The following GNAO1 variants were observed in gnomAD, a reference collection of about 807,000 sequenced individuals.
The protein encoded by GNAO1 is G protein subunit alpha o1.
For synonymous variants in GNAO1, 164 were observed against 180.7 expected (o/e 0.91, Z 0.74); for missense variants, 166 against 478.7 (o/e 0.35, Z 6.10).
chr16:56,354,981 C>T lies in GNAO1; in HGVS notation c.993C>T (p.Asn331=), dbSNP rs116862304. Residue 331 remains asparagine, a synonymous_variant, in exon 8 of 9, where the codon AAC becomes AAT. Coordinates refer to ENST00000262493, the MANE Select transcript of GNAO1 (RefSeq NM_020988.3). The surrounding 1 kb of genome is among the most constrained non-coding windows in gnomAD (Gnocchi z 4.3). ...TGACTTGTGCCACAGACACGAATAA[C>T]ATCCAGGTGGTGTTCGACGCCGTCA... ...CHMTCATDTN[N]IQVVFDAVTD... 0.017 allele frequency: 26,866 copies of T among 1,613,244 alleles called. 270 individuals are homozygous for T. The highest frequency in any genetic ancestry group is 0.021 in the Non-Finnish European group (24,319 of 1,179,216).
chr16:56,216,370 G>A (rs1303223215), intron 2 of GNAO1, among the ~76,000 whole-genome samples: 1 of 152,154 alleles, frequency 6.6e-6, no homozygotes, highest in Non-Finnish European at 1.5e-5. Flanking sequence ...GCCGGGGGAG[G>A]TATTTGAACC....
chr16:56,283,756 C>G (rs1385300891), intron 3 of GNAO1, among the ~76,000 whole-genome samples: 1 of 152,116 alleles, frequency 6.6e-6, no homozygotes, highest in Non-Finnish European at 1.5e-5. Flanking sequence ...AACACGAGGC[C>G]AGGAAGAGGA....
chr16:56,327,987 T>C (rs1366065059), intron 3 of GNAO1, among the ~76,000 whole-genome samples: 2 of 152,162 alleles, frequency 1.3e-5, no homozygotes, highest in African/African-American at 4.8e-5. Flanking sequence ...CCAAAGTTCT[T>C]GAGATTTAGT....
chr16:56,282,043 A>G (rs1254575368), intron 3 of GNAO1, among the ~76,000 whole-genome samples: 4 of 152,140 alleles, frequency 2.6e-5, no homozygotes, highest in African/African-American at 2.4e-5. Context: ...TCCAGTTTTC[A>G]TTTTTTCACT....
In GNAO1 at chr16:56,346,254, A is replaced by G. The variant is rs1244670467; in HGVS notation, c.724-5130A>G. The G allele has an allele frequency of 9.1e-6, 9 of 985,264 alleles. No individual in the cohort carries two copies. The African/African-American group carries it at 1.6e-4, about 17-fold the overall frequency. The allele number at this position is 985,264 out of a possible 1,614,324, so 61.0% of individuals were successfully genotyped here. ...AGCGGCTCCATCTTGTGGGGTGGTG[A>G]CTGAGGGTGACAAATGAGATTTGGC... On this transcript the variant is annotated intron_variant, in intron 6 of 8. Transcript: ENST00000262493.
chr16:56,203,613 G>A (rs2036299786), intron 2 of GNAO1, among the ~76,000 whole-genome samples: 1 of 152,218 alleles, frequency 6.6e-6, no homozygotes, highest in African/African-American at 2.4e-5. Flanking sequence ...AAAGACATCT[G>A]ATGGTGATAC....
chr16:56,348,054 C>A, intron 6 of GNAO1: 1 of 972,902 alleles, frequency 1.0e-6, no homozygotes, highest in Non-Finnish European at 1.2e-6. Flanking sequence ...CCAACCCCAT[C>A]ACTGCTGCCC....
At chr16:56,299,329 C>T (rs1221566990) in intron 3 of GNAO1, among the ~76,000 whole-genome samples, 5 of 152,242 alleles carry the variant, frequency 3.3e-5, no homozygotes, top group African/African-American at 7.2e-5. Flanking sequence ...TGAACAGAGG[C>T]GGATCCCACT....
chr16:56,192,178 C>T lies in GNAO1; in HGVS notation c.-58C>T. ...GCTCTCTGGGGGGGTGGGGGGCGCT[C>T]CAAGCCGGGGAGCCGTGCCAGCCGA... On this transcript the variant is annotated 5_prime_UTR_variant, in exon 1 of 9. Coordinates refer to ENST00000262493, the MANE Select transcript of GNAO1 (RefSeq NM_020988.3). 9.9e-7 allele frequency: 1 copy of T among 1,012,694 alleles called. No individual in the cohort carries two copies. The highest frequency in any genetic ancestry group is 1.4e-5 in the South Asian group (1 of 73,268). 62.7% of individuals were successfully genotyped at this position (1,012,694 alleles called of 1,614,324 possible).
intron 2 of GNAO1, among the ~76,000 whole-genome samples, chr16:56,269,920 G>T (rs2036999270): frequency 6.6e-6 from 1 of 152,154 alleles, no homozygotes; most frequent in African/African-American, 2.4e-5. Context: ...CAAGCCTGTG[G>T]TTCTGTGACC....
rs145854384 is a variant in GNAO1 at position 56,253,075 on chromosome 16, G to A, written c.162-22856G>A. 2.4e-3 allele frequency among the ~76,000 whole-genome samples: 369 copies of A among 152,282 alleles called. 2 individuals are homozygous for A. Among genetic ancestry groups the A allele is most frequent in the African/African-American group, 8.0e-3 (332 of 41,558 alleles). On this transcript the variant is annotated intron_variant, in intron 2 of 8. Transcript: ENST00000262493. ...GAGTGTCTGACTAGATAGCAGCAGCGGCAGCAGCAGCCATCTCTGGAGCCA... is the reference window on the plus strand; with the variant it reads ...GAGTGTCTGACTAGATAGCAGCAGCAGCAGCAGCAGCCATCTCTGGAGCCA...
chr16:56,307,210 A>G (rs1277833831), intron 3 of GNAO1: 8 of 152,204 alleles, frequency 5.3e-5, no homozygotes, highest in Non-Finnish European at 1.2e-4. Flanking sequence ...TTCTCCTGCC[A>G]GCCTCTAAGA....
At chr16:56,332,184 G>A (rs1190239637) in intron 4 of GNAO1, among the ~76,000 whole-genome samples, 5 of 152,044 alleles carry the variant, frequency 3.3e-5, no homozygotes, top group South Asian at 4.2e-4. Flanking sequence ...CAGAACCCTC[G>A]AGGGGCTCCC....
At chr16:56,236,286 G>A (rs1335114915) in intron 2 of GNAO1, among the ~76,000 whole-genome samples, 1 of 152,196 alleles carries the variant, frequency 6.6e-6, no homozygotes, top group Non-Finnish European at 1.5e-5. Context: ...GGAGAAAAGA[G>A]AGCCTGGGTT....
intron 6 of GNAO1, among the ~76,000 whole-genome samples, chr16:56,350,042 G>A (rs905774067): frequency 5.9e-5 from 9 of 152,162 alleles, no homozygotes; most frequent in Admixed American, 2.0e-4. Flanking sequence ...CAGGGAGAGC[G>A]CTGGCACAGT....
intron 2 of GNAO1, among the ~76,000 whole-genome samples, chr16:56,237,178 T>C (rs2036645664): frequency 6.6e-6 from 1 of 152,220 alleles, no homozygotes; most frequent in South Asian, 2.1e-4. Flanking sequence ...GTACATGCTA[T>C]CAACCAGTGC....
At chr16:56,260,418 T>C (rs2036892421) in intron 2 of GNAO1, among the ~76,000 whole-genome samples, 1 of 152,146 alleles carries the variant, frequency 6.6e-6, no homozygotes, top group Non-Finnish European at 1.5e-5. Context: ...ACACTGAAAA[T>C]TCCTCAGCTG....
At chr16:56,224,791 A>G (rs532296147) in intron 2 of GNAO1, among the ~76,000 whole-genome samples, 1 of 152,330 alleles carries the variant, frequency 6.6e-6, no homozygotes, top group East Asian at 1.9e-4. Context: ...TAGTCTGCCC[A>G]TTTACACTTA....
chr16:56,255,855 G>GT (rs1223173964), intron 2 of GNAO1, among the ~76,000 whole-genome samples: 4 of 152,062 alleles, frequency 2.6e-5, no homozygotes, highest in Non-Finnish European at 4.4e-5. Context: ...TTGGAGATAG[G>GT]TTTTCCATTT....
Sources: allele counts gnomAD v4.1 joint callset (sites outside exome capture counted in the v4.1 genomes callset), GRCh38; gene constraint gnomAD v4.1.1; non-coding constraint Gnocchi (gnomAD v3.1); transcripts MANE v1.5; gene names NCBI Gene and HGNC (gene_info 2026-07-23, HGNC 2026-07-21).